MAGI1: variants seen among roughly 807,000 people sequenced by gnomAD.
The protein encoded by MAGI1 is membrane-associated guanylate kinase, WW and PDZ domain-containing protein 1.
A neutral mutation model predicts 139.9 loss-of-function variants in MAGI1; 58 were observed. The ratio of observed to expected loss-of-function variants is 0.41; its 90% CI spans 0.34 to 0.52. MAGI1 has a LOEUF of 0.52. Among genes scored for constraint, MAGI1 ranks in the 20% least tolerant of loss-of-function variants. The pLI, the probability that MAGI1 is intolerant of heterozygous loss-of-function variation, is 0.12. For missense variants in MAGI1, 1,874 were observed against 1,901.6 expected (o/e 0.99, Z 0.27); for synonymous variants, 812 against 737.9 (o/e 1.10, Z -1.63).
intron 2 of MAGI1, among the ~76,000 whole-genome samples, chr3:65,539,026 ACACATACCAACTACCATCAACCAGAAC>A (rs1339898138): frequency 6.6e-6 from 1 of 151,998 alleles, no homozygotes; most frequent in East Asian, 1.9e-4. Context: ...TCAAACAGAC[ACACATACCAACTACCATCAACCAGAAC>A]CACATACCAA....
At chr3:65,911,707 A>G (rs952921876) in intron 1 of MAGI1, among the ~76,000 whole-genome samples, 1 of 152,194 alleles carries the variant, frequency 6.6e-6, no homozygotes, top group Non-Finnish European at 1.5e-5. Context: ...CCTATTATGT[A>G]TTCTTACTGT....
intron 14 of MAGI1, among the ~76,000 whole-genome samples, chr3:65,388,908 T>A (rs1943670643): frequency 7.2e-6 from 1 of 138,888 alleles, no homozygotes; most frequent in Admixed American, 8.2e-5. Flanking sequence ...AGTGGCATGA[T>A]CTCGGCTCAC....
intron 1 of MAGI1, among the ~76,000 whole-genome samples, chr3:65,938,580 T>A (rs1393708137): frequency 1.3e-5 from 2 of 151,880 alleles, no homozygotes; most frequent in Non-Finnish European, 2.9e-5. Flanking sequence ...ACTTCTTCCT[T>A]TTCCGCACTG....
At chr3:65,559,201 T>C (rs548007307) in intron 2 of MAGI1, among the ~76,000 whole-genome samples, 3 of 152,340 alleles carry the variant, frequency 2.0e-5, no homozygotes, top group Admixed American at 1.3e-4. Flanking sequence ...TAAGGAAAAT[T>C]AGCAGAAATG....
At chr3:65,653,216 C>T (rs1298750556) in intron 1 of MAGI1, among the ~76,000 whole-genome samples, 1 of 152,154 alleles carries the variant, frequency 6.6e-6, no homozygotes, top group Non-Finnish European at 1.5e-5. Context: ...ATATCAACTG[C>T]CCAGTTCTTC....
intron 1 of MAGI1, among the ~76,000 whole-genome samples, chr3:65,814,958 CAT>C (rs2041507109): frequency 6.6e-6 from 1 of 152,140 alleles, no homozygotes; most frequent in African/African-American, 2.4e-5. Context: ...GAATGAAGCT[CAT>C]AAAATTTAAC....
chr3:65,895,596 T>C (rs993257977), intron 1 of MAGI1, among the ~76,000 whole-genome samples: 1 of 152,180 alleles, frequency 6.6e-6, no homozygotes, highest in Non-Finnish European at 1.5e-5. Flanking sequence ...CATCTATCTA[T>C]CCGGCAGCTT....
rs2077976587 is a variant in MAGI1, at chr3:65,517,846, T to C, written c.431-24215A>G. Among the ~76,000 whole-genome samples the C allele has an allele frequency of 3.3e-5, 5 of 152,284 alleles. No homozygotes were observed. In the South Asian group the frequency reaches 1.0e-3, roughly 32 times the overall value. On this transcript the variant is annotated intron_variant, in intron 2 of 22. Transcript: ENST00000402939. ...TTTCCTTTGTGTGACCTCAGAGCTCTCTTTCTGCTTTTTCAGATCTCCAAC... is the reference window on the plus strand; with the variant it reads ...TTTCCTTTGTGTGACCTCAGAGCTCCCTTTCTGCTTTTTCAGATCTCCAAC...
chr3:65,896,297 C>T (rs1244454738), intron 1 of MAGI1, among the ~76,000 whole-genome samples: 1 of 144,078 alleles, frequency 6.9e-6, no homozygotes, highest in Non-Finnish European at 1.5e-5. Flanking sequence ...GCAGTAATCA[C>T]GACAAAAAAA....
intron 5 of MAGI1, 101 bp downstream of exon 5, chr3:65,470,182 T>C: frequency 5.4e-6 from 4 of 744,424 alleles, no homozygotes; most frequent in Non-Finnish European, 8.7e-6. Context: ...CAGTGGGTGA[T>C]CAATCCCTTA....
intron 1 of MAGI1, among the ~76,000 whole-genome samples, chr3:65,650,306 A>C (rs534067934): frequency 1.8e-4 from 27 of 152,340 alleles, no homozygotes; most frequent in African/African-American, 6.0e-4. Context: ...TGCAAAATGG[A>C]CCAAGACACC....
At chr3:65,447,819 A>G (rs1369236198) in intron 7 of MAGI1, among the ~76,000 whole-genome samples, 1 of 152,202 alleles carries the variant, frequency 6.6e-6, no homozygotes, top group Non-Finnish European at 1.5e-5. Flanking sequence ...CTTTGTAAAC[A>G]TAATGTACTA....
At chr3:65,920,113 G>A (rs1048478297) in intron 1 of MAGI1, among the ~76,000 whole-genome samples, 6 of 152,130 alleles carry the variant, frequency 3.9e-5, no homozygotes, top group African/African-American at 1.4e-4. Context: ...AGGGAGTTTT[G>A]CACATCACAA....
chr3:65,507,519 T>C (rs891813801), intron 2 of MAGI1, among the ~76,000 whole-genome samples: 1 of 152,228 alleles, frequency 6.6e-6, no homozygotes, highest in African/African-American at 2.4e-5. Context: ...GTTCGTAACA[T>C]GCTTATGTTT....
chr3:65,539,417 A>G (rs2079108166), intron 2 of MAGI1, among the ~76,000 whole-genome samples: 1 of 152,258 alleles, frequency 6.6e-6, no homozygotes. Context: ...ACTACTGTCA[A>G]CCAGAAACAC....
chr3:66,010,077 C>CAA (rs60882502), intron 1 of MAGI1, among the ~76,000 whole-genome samples: 1,487 of 69,752 alleles, frequency 0.021, 290 homozygotes, highest in Middle Eastern at 0.064. Context: ...CTCTCTGTCT[C>CAA]AAAAAAAAAA....
chr3:65,489,765 T>C (rs981357375), intron 3 of MAGI1, among the ~76,000 whole-genome samples: 3 of 152,224 alleles, frequency 2.0e-5, no homozygotes, highest in African/African-American at 7.2e-5. Flanking sequence ...GTTGTGTACA[T>C]ATAAGTTTTC....
chr3:65,762,400 C>T (rs771379006), intron 1 of MAGI1, among the ~76,000 whole-genome samples: 8 of 151,668 alleles, frequency 5.3e-5, no homozygotes, highest in Non-Finnish European at 2.9e-5. Flanking sequence ...GCCTCTCCTA[C>T]GAATCTCATT....
intron 5 of MAGI1, among the ~76,000 whole-genome samples, chr3:65,466,613 C>G (rs1950190689): frequency 6.6e-6 from 1 of 152,226 alleles, no homozygotes; most frequent in African/African-American, 2.4e-5. Context: ...GGGCTCTTCA[C>G]CATTGGATGG....
Sources: allele counts gnomAD v4.1 joint callset (sites outside exome capture counted in the v4.1 genomes callset), GRCh38; gene constraint gnomAD v4.1.1; transcripts MANE v1.5; gene names NCBI Gene and HGNC (gene_info 2026-07-23, HGNC 2026-07-21).